Variants in LSAMP observed in about 807,000 individuals in gnomAD.
LSAMP encodes the protein limbic system-associated membrane protein.
LSAMP carries 7 observed loss-of-function variants against 38.6 expected under a neutral mutation model. That is an observed-to-expected ratio of 0.18 (90% confidence interval 0.10 to 0.34). The LOEUF is 0.34. LSAMP is among the 10% of genes least tolerant of loss of function. LSAMP has a pLI of 1.00. For synonymous variants in LSAMP, 154 were observed against 166.8 expected, an observed-to-expected ratio of 0.92 and a Z score of 0.59; for missense variants, 313 against 420.0, an observed-to-expected ratio of 0.75 and a Z score of 2.23.
chr3:116,285,010 G>C (rs1310587896), intron 1 of LSAMP, among the ~76,000 whole-genome samples: 1 of 152,178 alleles, frequency 6.6e-6, no homozygotes, highest in African/African-American at 2.4e-5. Flanking sequence ...ATGACTGAAT[G>C]ATGTTGCTAC....
rs867710541 is a variant in LSAMP at position 116,296,661 on chromosome 3, C to A, written c.155+148216G>T. Among the ~76,000 whole-genome samples, 26 of 128,334 alleles carry A rather than the reference C, an allele frequency of 2.0e-4. No individual in the cohort carries two copies. The South Asian group carries it at 5.7e-3, about 28-fold the overall frequency. The allele number at this position is 128,334 out of a possible 152,430, so 84.2% of individuals were successfully genotyped here. A position where few individuals can be genotyped will look rare whatever the true frequency, so the allele number is the denominator to read the frequency against. On this transcript the variant is annotated intron_variant, in intron 1 of 6. Transcript: ENST00000490035. ...AGTGAGCCCAGATTGCGCCACTGCA[C>A]GCCAGCCTGGGCGACAGAGCGTGAC...
intron 1 of LSAMP, among the ~76,000 whole-genome samples, chr3:116,344,865 G>A (rs528730563): frequency 6.6e-6 from 1 of 152,250 alleles, no homozygotes; most frequent in African/African-American, 2.4e-5. Flanking sequence ...CAATGAAAAA[G>A]AGATAGGTTT....
chr3:115,844,571 A>C (rs979843532), intron 4 of LSAMP, among the ~76,000 whole-genome samples: 1 of 152,226 alleles, frequency 6.6e-6, no homozygotes, highest in Non-Finnish European at 1.5e-5. Flanking sequence ...CTGGGCTTGG[A>C]TTTAAAATTT....
intron 1 of LSAMP, among the ~76,000 whole-genome samples, chr3:116,441,595 C>A (rs1338571273): frequency 6.6e-6 from 1 of 152,168 alleles, no homozygotes; most frequent in Non-Finnish European, 1.5e-5. Flanking sequence ...ATAGTCTCAA[C>A]CTTCCAATAT....
chr3:116,093,918 A>G (rs1708173558), intron 1 of LSAMP, among the ~76,000 whole-genome samples: 1 of 152,188 alleles, frequency 6.6e-6, no homozygotes, highest in Non-Finnish European at 1.5e-5. Context: ...AGAAGGAAAG[A>G]TAATTGGTCT....
At chr3:116,380,189 A>C (rs1277520237) in intron 1 of LSAMP, among the ~76,000 whole-genome samples, 2 of 151,882 alleles carry the variant, frequency 1.3e-5, no homozygotes, top group Non-Finnish European at 2.9e-5. Context: ...TTGGGTTGCT[A>C]TAGGCGGCAA....
Position 115,852,569 on chromosome 3 carries a change from G to A in LSAMP, c.563C>T (p.Thr188Ile). The A allele has an allele frequency of 6.2e-7, 1 of 1,613,878 alleles. No homozygotes were observed. The highest frequency in any genetic ancestry group is 1.3e-5 in the African/African-American group (1 of 74,998). The change falls in exon 4 of 7, where the codon ACC becomes ATC. Residue 188 changes from threonine to isoleucine, a missense_variant. Thr to Ile is a moderately conservative substitution (Grantham distance 89). Transcript: ENST00000490035. ...EEEYLEILGITREQSGKYECK... is the reference protein window; with the variant it reads ...EEEYLEILGIIREQSGKYECK... ...CTCATATTTGCCTGACTGCTCCCTG[G>A]TGATGCCAAGGATCTCCAGATATTC... is the stretch of plus-strand genomic sequence containing the variant.
chr3:115,965,708 T>A (rs188671681), intron 3 of LSAMP, among the ~76,000 whole-genome samples: 1 of 147,898 alleles, frequency 6.8e-6, no homozygotes. Flanking sequence ...AACACAAAAA[T>A]GAAAAATATA....
intron 2 of LSAMP, among the ~76,000 whole-genome samples, chr3:116,023,225 C>G (rs534867382): frequency 6.6e-6 from 1 of 152,064 alleles, no homozygotes; most frequent in South Asian, 2.1e-4. Context: ...CTCCCAGTCC[C>G]TACTCCCACT....
intron 1 of LSAMP, among the ~76,000 whole-genome samples, chr3:116,211,049 T>A (rs532726958): frequency 9.3e-5 from 14 of 150,046 alleles, no homozygotes; most frequent in African/African-American, 2.9e-4. Flanking sequence ...GCAACATGGA[T>A]GAACCTGGAG....
rs1030582082 is a variant in LSAMP, at chr3:116,208,977, T to A, written c.156-122421A>T. On this transcript the variant is annotated intron_variant, in intron 1 of 6. Coordinates refer to ENST00000490035, the MANE Select transcript of LSAMP (RefSeq NM_002338.5). The stretch of plus-strand genomic sequence containing the variant: ...TGTTTACCTAAGCAAGCCTGGGCAA[T>A]GGCAGGCGCCCCTCCCGGAGCCTCG... Among the ~76,000 whole-genome samples the A allele has an allele frequency of 2.2e-4, 33 of 152,216 alleles. 1 individual carries two copies. The highest frequency in any genetic ancestry group is 7.5e-4 in the African/African-American group (31 of 41,462).
chr3:116,405,415 T>C (rs2048886449), intron 1 of LSAMP, among the ~76,000 whole-genome samples: 1 of 152,036 alleles, frequency 6.6e-6, no homozygotes, highest in Non-Finnish European at 1.5e-5. Context: ...AGACAGACAG[T>C]GTGAGAAACT....
intron 3 of LSAMP, among the ~76,000 whole-genome samples, chr3:115,914,919 A>G (rs1418988991): frequency 2.0e-5 from 3 of 152,220 alleles, no homozygotes; most frequent in South Asian, 2.1e-4. Context: ...TATACTTAAA[A>G]GGTCTGTATC....
chr3:115,954,998 AG>A (rs1938409005), intron 3 of LSAMP, among the ~76,000 whole-genome samples: 3 of 149,808 alleles, frequency 2.0e-5, no homozygotes, highest in Non-Finnish European at 4.4e-5. Context: ...CCTGTCACCC[AG>A]GCTGGAGTGC....
chr3:116,047,102 A>T (rs1028172040), intron 2 of LSAMP, among the ~76,000 whole-genome samples: 3 of 152,210 alleles, frequency 2.0e-5, no homozygotes, highest in African/African-American at 4.8e-5. Flanking sequence ...TATTTTGGTT[A>T]TACAAGTCAG....
chr3:115,902,472 T>C (rs1048826342), intron 3 of LSAMP, among the ~76,000 whole-genome samples: 5 of 151,076 alleles, frequency 3.3e-5, no homozygotes, highest in Non-Finnish European at 5.9e-5. Flanking sequence ...TAAAAGCAAT[T>C]GCAGCAAAAG....
intron 1 of LSAMP, among the ~76,000 whole-genome samples, chr3:116,246,326 T>A (rs998291300): frequency 1.3e-5 from 2 of 152,188 alleles, no homozygotes; most frequent in African/African-American, 4.8e-5. Context: ...TGGGAATACA[T>A]AGGAGCATAA....
At chr3:115,916,107 C>T (rs1330002667) in intron 3 of LSAMP, among the ~76,000 whole-genome samples, 1 of 151,922 alleles carries the variant, frequency 6.6e-6, no homozygotes, top group Non-Finnish European at 1.5e-5. Context: ...AGCTTAAGTC[C>T]AACACCGATC....
chr3:115,847,437 A>G (rs1935194794), intron 4 of LSAMP, among the ~76,000 whole-genome samples: 2 of 152,226 alleles, frequency 1.3e-5, no homozygotes, highest in South Asian at 4.1e-4. Context: ...CCAGTGATAA[A>G]GTAAATACTT....
Sources: gnomAD v4.1 joint callset for allele counts (sites outside exome capture counted in the v4.1 genomes callset) on GRCh38, gnomAD v4.1.1 for gene constraint, MANE v1.5 for transcripts, NCBI Gene and HGNC (gene_info 2026-07-23, HGNC 2026-07-21) for gene names.